The following NAALADL2 variants were observed in gnomAD, a reference collection of about 807,000 sequenced individuals.
NAALADL2 encodes N-acetylated alpha-linked acidic dipeptidase like 2.
Under a neutral mutation model 87.2 loss-of-function variants are expected in NAALADL2, and 76 were observed. The observed-to-expected ratio is 0.87, with a 90% CI of 0.72 to 1.05. The LOEUF is 1.05. Ranked by LOEUF, NAALADL2 falls within the 50% of genes least tolerant of loss-of-function variation. The pLI is 0.00. For synonymous variants in NAALADL2, 354 were observed against 331.0 expected, an observed-to-expected ratio of 1.07 and a Z score of -0.75; for missense variants, 1,089 against 945.8, an observed-to-expected ratio of 1.15 and a Z score of -1.99.
chr3:174,826,072 A>G (rs1370495753), intron 3 of NAALADL2, among the ~76,000 whole-genome samples: 1 of 151,746 alleles, frequency 6.6e-6, no homozygotes, highest in Non-Finnish European at 1.5e-5. Context: ...AACAACAACA[A>G]CAATCAAACA....
intron 11 of NAALADL2, among the ~76,000 whole-genome samples, chr3:175,722,316 G>T (rs546197381): frequency 3.9e-5 from 6 of 152,184 alleles, no homozygotes; most frequent in East Asian, 1.9e-4. Context: ...TCACAAGTAT[G>T]TATTGTGTAG....
intron 4 of NAALADL2, among the ~76,000 whole-genome samples, chr3:175,268,139 T>C (rs981438073): frequency 6.6e-6 from 1 of 152,160 alleles, no homozygotes; most frequent in African/African-American, 2.4e-5. Context: ...GGTGTTGTGC[T>C]GGTATCATGG....
chr3:175,523,693 T>G (rs529716385), intron 9 of NAALADL2, among the ~76,000 whole-genome samples: 5 of 152,324 alleles, frequency 3.3e-5, no homozygotes, highest in African/African-American at 1.2e-4. Context: ...GTCCTTCCCC[T>G]TTTGTCTAGG....
At chr3:174,961,389 A>T (rs1255264811) in intron 1 of NAALADL2, among the ~76,000 whole-genome samples, 2 of 152,050 alleles carry the variant, frequency 1.3e-5, no homozygotes, top group Admixed American at 6.6e-5. Context: ...TTGCTAAAAA[A>T]ATCTTAAAAG....
intron 6 of NAALADL2, among the ~76,000 whole-genome samples, chr3:175,448,396 G>A (rs944943502): frequency 1.3e-5 from 2 of 152,222 alleles, no homozygotes; most frequent in African/African-American, 4.8e-5. Context: ...AATATGTAAT[G>A]TAAAATATGT....
At chr3:174,922,000 A>T (rs374176747) in intron 1 of NAALADL2, among the ~76,000 whole-genome samples, 8 of 152,086 alleles carry the variant, frequency 5.3e-5, no homozygotes, top group African/African-American at 1.9e-4. Context: ...TATGAGACAA[A>T]GTATAAGGTT....
chr3:174,619,648 TGA>T (rs1720811696), intron 2 of NAALADL2, among the ~76,000 whole-genome samples: 1 of 152,034 alleles, frequency 6.6e-6, no homozygotes, highest in Non-Finnish European at 1.5e-5. Flanking sequence ...TTCAGCTTCC[TGA>T]GTCTGGCCAC....
chr3:174,913,028 A>G (rs1201267043), intron 1 of NAALADL2, among the ~76,000 whole-genome samples: 1 of 152,194 alleles, frequency 6.6e-6, no homozygotes, highest in African/African-American at 2.4e-5. Context: ...ATAAAGATGA[A>G]TCTTCCAAGT....
chr3:174,563,655 A>G (rs1470100810), intron 2 of NAALADL2, among the ~76,000 whole-genome samples: 5 of 151,782 alleles, frequency 3.3e-5, no homozygotes, highest in African/African-American at 9.7e-5. Context: ...ATTATGATTA[A>G]TTTATTTTCT....
At chr3:175,726,352 C>G (rs1742921973) in intron 11 of NAALADL2, among the ~76,000 whole-genome samples, 1 of 151,692 alleles carries the variant, frequency 6.6e-6, no homozygotes. Context: ...ATTTGCAAAT[C>G]CTAAACTTTA....
At chr3:175,200,981 A>T (rs949539279) in intron 2 of NAALADL2, among the ~76,000 whole-genome samples, 13 of 152,198 alleles carry the variant, frequency 8.5e-5, no homozygotes, top group African/African-American at 3.1e-4. Context: ...ATGTTAAAAC[A>T]GCACAGATAG....
At chr3:175,201,159 A>T (rs1739962706) in intron 2 of NAALADL2, among the ~76,000 whole-genome samples, 1 of 152,146 alleles carries the variant, frequency 6.6e-6, no homozygotes, top group African/African-American at 2.4e-5. Context: ...GAAGGTTGGG[A>T]CCACATCTTC....
chr3:175,471,773 T>C lies in NAALADL2; in HGVS notation c.1653+15T>C, dbSNP rs755031510. 6.3e-7 allele frequency: 1 copy of C among 1,582,662 alleles called. No homozygotes were observed. Among genetic ancestry groups the C allele is most frequent in the Non-Finnish European group, 8.6e-7 (1 of 1,169,170 alleles). On this transcript the variant is annotated intron_variant, in intron 9 of 13. Transcript: ENST00000454872. ...TGGTAGTAGAGGTAAGACAAACCAC[T>C]ATTGTATCAAATGATTATGCAAAAC...
At chr3:175,362,528 C>T (rs570280485) in intron 5 of NAALADL2, among the ~76,000 whole-genome samples, 1 of 147,880 alleles carries the variant, frequency 6.8e-6, no homozygotes, top group African/African-American at 2.5e-5. Flanking sequence ...TTGTTTGTAT[C>T]CTCTTTTATT....
At chr3:175,167,100 A>C (rs1307798995) in intron 2 of NAALADL2, among the ~76,000 whole-genome samples, 3 of 151,974 alleles carry the variant, frequency 2.0e-5, no homozygotes, top group Admixed American at 6.6e-5. Flanking sequence ...CTTCTAATCC[A>C]GGGGTCTGCA....
At chr3:175,245,144 G>T (rs1747735937) in intron 3 of NAALADL2, among the ~76,000 whole-genome samples, 1 of 149,864 alleles carries the variant, frequency 6.7e-6, no homozygotes, top group Non-Finnish European at 1.5e-5. Flanking sequence ...ATATATTTTT[G>T]CTTTTAAAAT....
intron 2 of NAALADL2, among the ~76,000 whole-genome samples, chr3:175,180,764 C>A (rs1233147364): frequency 6.6e-6 from 1 of 150,620 alleles, no homozygotes; most frequent in Non-Finnish European, 1.5e-5. Flanking sequence ...ATTATTATTC[C>A]TAAAGTGTAC....
At chr3:175,710,700 A>G (rs1263959094) in intron 11 of NAALADL2, among the ~76,000 whole-genome samples, 1 of 150,930 alleles carries the variant, frequency 6.6e-6, no homozygotes, top group Non-Finnish European at 1.5e-5. Context: ...ATATATGTAT[A>G]TATATCTACA....
At chr3:174,921,871 A>G (rs1336480378) in intron 1 of NAALADL2, among the ~76,000 whole-genome samples, 1 of 151,954 alleles carries the variant, frequency 6.6e-6, no homozygotes, top group Non-Finnish European at 1.5e-5. Flanking sequence ...TAAAGGTGCA[A>G]AATCCATTTG....
Sources: allele counts gnomAD v4.1 joint callset (sites outside exome capture counted in the v4.1 genomes callset), GRCh38; gene constraint gnomAD v4.1.1; transcripts MANE v1.5; gene names NCBI Gene and HGNC (gene_info 2026-07-23, HGNC 2026-07-21).